CNTN5: variants seen among roughly 807,000 people sequenced by gnomAD.
CNTN5 encodes contactin-5.
A neutral mutation model predicts 129.1 loss-of-function variants in CNTN5; 77 were observed. That is an observed-to-expected ratio of 0.60 (90% confidence interval 0.50 to 0.72). The LOEUF is 0.72. CNTN5 is among the 30% of genes least tolerant of loss of function. CNTN5 has a pLI of 0.00. For missense variants in CNTN5, 1,478 were observed against 1,328.8 expected (o/e 1.11, Z -1.75); for synonymous variants, 509 against 465.6 (o/e 1.09, Z -1.20).
intron 1 of CNTN5, among the ~76,000 whole-genome samples, chr11:99,324,420 C>T (rs1865695728): frequency 6.6e-6 from 1 of 151,996 alleles, no homozygotes; most frequent in Non-Finnish European, 1.5e-5. Context: ...AAATATTTGT[C>T]CTCACTAAAT....
At chr11:99,742,373 C>T (rs1231210772) in intron 3 of CNTN5, among the ~76,000 whole-genome samples, 2 of 134,770 alleles carry the variant, frequency 1.5e-5, no homozygotes, top group East Asian at 2.4e-4. Flanking sequence ...GTACTTAACA[C>T]GTAAGATTTT....
At chr11:99,880,695 A>G (rs1365539426) in intron 6 of CNTN5, among the ~76,000 whole-genome samples, 1 of 152,178 alleles carries the variant, frequency 6.6e-6, no homozygotes, top group Non-Finnish European at 1.5e-5. Flanking sequence ...GCAAAATGTT[A>G]TTCTCTGGCC....
chr11:100,205,833 C>T (rs567913535), intron 15 of CNTN5, among the ~76,000 whole-genome samples: 1 of 152,132 alleles, frequency 6.6e-6, no homozygotes, highest in Middle Eastern at 3.4e-3. Flanking sequence ...GGGACTTGAG[C>T]AAGCATGCAT....
intron 3 of CNTN5, among the ~76,000 whole-genome samples, chr11:99,733,149 C>T (rs1943588398): frequency 6.7e-6 from 1 of 150,106 alleles, no homozygotes; most frequent in South Asian, 2.1e-4. Context: ...GATGGTGAAA[C>T]CTCGTCTCTA....
intron 13 of CNTN5, among the ~76,000 whole-genome samples, chr11:100,080,454 C>A (rs1353852731): frequency 6.6e-6 from 1 of 152,230 alleles, no homozygotes; most frequent in Non-Finnish European, 1.5e-5. Flanking sequence ...TATTTGACTT[C>A]TAGTGGGAAT....
intron 2 of CNTN5, among the ~76,000 whole-genome samples, chr11:99,497,109 G>C (rs1049194984): frequency 6.6e-6 from 1 of 152,054 alleles, no homozygotes; most frequent in African/African-American, 2.4e-5. Context: ...GTTAAACAGG[G>C]CATACCACAT....
chr11:99,578,641 C>G (rs1328345733), intron 3 of CNTN5, among the ~76,000 whole-genome samples: 1 of 149,384 alleles, frequency 6.7e-6, no homozygotes, highest in African/African-American at 2.5e-5. Flanking sequence ...TGAGAAGTGT[C>G]TGTTCATGTC....
chr11:100,057,280 A>G (rs1405083777), intron 9 of CNTN5, among the ~76,000 whole-genome samples: 2 of 148,628 alleles, frequency 1.3e-5, no homozygotes, highest in Non-Finnish European at 3.0e-5. Flanking sequence ...TATAAGAGGA[A>G]TTAGTAAATT....
At chr11:99,152,912 G>T (rs548704501) in intron 1 of CNTN5, among the ~76,000 whole-genome samples, 1 of 152,130 alleles carries the variant, frequency 6.6e-6, no homozygotes, top group South Asian at 2.1e-4. Context: ...GCTTAGTATG[G>T]CTGGATATGA....
chr11:99,263,205 T>C (rs568612737), intron 1 of CNTN5, among the ~76,000 whole-genome samples: 1 of 152,106 alleles, frequency 6.6e-6, no homozygotes, highest in Non-Finnish European at 1.5e-5. Context: ...ATGTAAGGTG[T>C]TTCCTGTGTG....
chr11:99,768,462 T>C (rs1406102222), intron 3 of CNTN5, among the ~76,000 whole-genome samples: 1 of 152,158 alleles, frequency 6.6e-6, no homozygotes, highest in Non-Finnish European at 1.5e-5. Flanking sequence ...ATGTCTTCAG[T>C]TGCCTGACTC....
At position 100,061,209 on chromosome 11, in the gene CNTN5, T is replaced by C; in HGVS notation, c.981-3T>C. Reference sequence around the variant, plus strand: ...TTAACAGTATTTTTGTTCCCTATCGTAGCCCCGTTCCAACAATCACATGGA... The same window carrying C: ...TTAACAGTATTTTTGTTCCCTATCGCAGCCCCGTTCCAACAATCACATGGA... On this transcript the variant is annotated splice_polypyrimidine_tract_variant and splice_region_variant and intron_variant, in intron 9 of 24. Transcript: ENST00000524871. 6.2e-7 allele frequency: 1 copy of C among 1,605,386 alleles called. No individual in the cohort carries two copies. The highest frequency in any genetic ancestry group is 8.5e-7 in the Non-Finnish European group (1 of 1,172,980).
intron 6 of CNTN5, among the ~76,000 whole-genome samples, chr11:99,881,024 T>C (rs1362414549): frequency 6.6e-6 from 1 of 152,204 alleles, no homozygotes; most frequent in Non-Finnish European, 1.5e-5. Context: ...TAATTGACTT[T>C]AAGAGTTGCA....
At chr11:100,253,922 T>C (rs1398648130) in intron 16 of CNTN5, among the ~76,000 whole-genome samples, 2 of 149,848 alleles carry the variant, frequency 1.3e-5, no homozygotes, top group Non-Finnish European at 2.9e-5. Flanking sequence ...CAATTCCTAC[T>C]CTTATATTTT....
chr11:99,664,816 A>G (rs1218218484), intron 3 of CNTN5, among the ~76,000 whole-genome samples: 3 of 152,094 alleles, frequency 2.0e-5, no homozygotes, highest in Admixed American at 6.6e-5. Context: ...TTATGACCAC[A>G]TGGATCTTCC....
At chr11:99,503,590 G>A (rs1429064789) in intron 2 of CNTN5, among the ~76,000 whole-genome samples, 1 of 152,096 alleles carries the variant, frequency 6.6e-6, no homozygotes, top group Non-Finnish European at 1.5e-5. Context: ...GCACTTGATT[G>A]TTAATATATC....
intron 3 of CNTN5, among the ~76,000 whole-genome samples, chr11:99,813,898 T>A (rs1565560622): frequency 6.6e-6 from 1 of 152,124 alleles, no homozygotes. Flanking sequence ...TGGAATGATA[T>A]AAGCAAGAGA....
chr11:99,284,868 A>G (rs1287229996), intron 1 of CNTN5, among the ~76,000 whole-genome samples: 1 of 152,136 alleles, frequency 6.6e-6, no homozygotes, highest in Non-Finnish European at 1.5e-5. Context: ...GATATCATAT[A>G]GGAAAGAATG....
intron 3 of CNTN5, among the ~76,000 whole-genome samples, chr11:99,797,693 C>A: frequency 6.6e-6 from 1 of 152,004 alleles, no homozygotes. Context: ...TCATCAGGTG[C>A]ATTTTTTTGT....
Sources: allele counts gnomAD v4.1 joint callset (sites outside exome capture counted in the v4.1 genomes callset), GRCh38; gene constraint gnomAD v4.1.1; transcripts MANE v1.5; gene names NCBI Gene and HGNC (gene_info 2026-07-23, HGNC 2026-07-21).